The following CDH13 variants were observed in gnomAD, a reference collection of about 807,000 sequenced individuals.
The protein encoded by CDH13 is cadherin-13.
CDH13 carries 24 observed loss-of-function variants against 63.8 expected under a neutral mutation model. That is an observed-to-expected ratio of 0.38 (90% CI 0.27 to 0.53). The LOEUF (loss-of-function observed/expected upper bound fraction) is 0.53. Among genes scored for constraint, CDH13 ranks in the 20% least tolerant of loss-of-function variants. The pLI is 0.85. For missense variants in CDH13, 1,049 were observed against 903.1 expected, an observed-to-expected ratio of 1.16 and a Z score of -2.07; for synonymous variants, 503 against 355.3, an observed-to-expected ratio of 1.42 and a Z score of -4.67.
At chr16:82,938,345 T>G (rs2151305089) in intron 2 of CDH13, among the ~76,000 whole-genome samples, 1 of 152,362 alleles carries the variant, frequency 6.6e-6, no homozygotes, top group Middle Eastern at 3.4e-3. Context: ...GATTCGGGAA[T>G]AGAACTCAGT....
chr16:82,752,971 A>C (rs925274856), intron 1 of CDH13, among the ~76,000 whole-genome samples: 1 of 152,238 alleles, frequency 6.6e-6, no homozygotes, highest in Non-Finnish European at 1.5e-5. Flanking sequence ...ACATTTGTAA[A>C]AGAGTTAAGA....
At chr16:82,927,229 T>C (rs1415317923) in intron 2 of CDH13, among the ~76,000 whole-genome samples, 3 of 152,140 alleles carry the variant, frequency 2.0e-5, no homozygotes, top group African/African-American at 7.2e-5. Context: ...GGCTTGACTT[T>C]ACCATATTTT....
intron 4 of CDH13, among the ~76,000 whole-genome samples, chr16:83,169,763 A>G (rs1314211827): frequency 6.6e-6 from 1 of 151,964 alleles, no homozygotes; most frequent in African/African-American, 2.4e-5. Context: ...TGATGTTTTG[A>G]AATACTGAAT....
intron 3 of CDH13, among the ~76,000 whole-genome samples, chr16:83,048,050 G>A (rs1289218998): frequency 2.0e-5 from 3 of 152,198 alleles, no homozygotes; most frequent in African/African-American, 7.2e-5. Context: ...TTACAGTAAA[G>A]TAGATTCAGG....
intron 7 of CDH13, among the ~76,000 whole-genome samples, chr16:83,573,572 A>G (rs1320185578): frequency 1.3e-5 from 2 of 152,198 alleles, no homozygotes; most frequent in African/African-American, 4.8e-5. Flanking sequence ...TTGGGATCCT[A>G]CTTAACAAAG....
At chr16:83,075,758 C>G (rs1379014683) in intron 3 of CDH13, among the ~76,000 whole-genome samples, 1 of 152,136 alleles carries the variant, frequency 6.6e-6, no homozygotes, top group Admixed American at 6.5e-5. Context: ...TTGACTTGTG[C>G]TTTGTGATCA....
intron 7 of CDH13, among the ~76,000 whole-genome samples, chr16:83,527,130 CAA>C (rs35647015): frequency 4.5e-4 from 66 of 148,154 alleles, no homozygotes; most frequent in Middle Eastern, 6.8e-3. Flanking sequence ...GACTCTGTCT[CAA>C]AAAAAAAAAA....
chr16:82,808,595 T>C (rs1393063525), intron 1 of CDH13, among the ~76,000 whole-genome samples: 2 of 152,192 alleles, frequency 1.3e-5, no homozygotes, highest in Admixed American at 6.5e-5. Flanking sequence ...GCCCTTGCAG[T>C]ATAAAAATAG....
At chr16:83,553,446 T>C (rs1412123917) in intron 7 of CDH13, among the ~76,000 whole-genome samples, 1 of 152,256 alleles carries the variant, frequency 6.6e-6, no homozygotes, top group Non-Finnish European at 1.5e-5. Context: ...GTTTTTCTTA[T>C]AACACTGGAA....
At chr16:82,995,698 G>C (rs72792142) in intron 2 of CDH13, among the ~76,000 whole-genome samples, 15,214 of 152,096 alleles carry the variant, frequency 0.1, 861 homozygotes, top group African/African-American at 0.16. Context: ...AAATAGATGT[G>C]ATACTTCTCC....
intron 2 of CDH13, among the ~76,000 whole-genome samples, chr16:82,918,903 A>G (rs2042074161): frequency 6.6e-6 from 1 of 152,180 alleles, no homozygotes; most frequent in African/African-American, 2.4e-5. Flanking sequence ...TTAGAGGACC[A>G]TTTATTATAC....
chr16:83,191,489 G>GCACATATATATATATATATATATATATA (rs2038703821), intron 4 of CDH13, among the ~76,000 whole-genome samples: 9 of 46,288 alleles, frequency 1.9e-4, no homozygotes, highest in Non-Finnish European at 4.0e-4. Flanking sequence ...ATATATATAT[G>GCACATATATATATATATATATATATATA]CACATATATA....
In CDH13 at chr16:83,548,922, A is replaced by G. The variant is rs139784250; in HGVS notation, c.961-53532A>G. 7.9e-5 allele frequency among the ~76,000 whole-genome samples: 12 copies of G among 152,334 alleles called. 1 individual carries two copies. The highest frequency in any genetic ancestry group is 2.9e-4 in the African/African-American group (12 of 41,566). On this transcript the variant is annotated intron_variant, in intron 7 of 13. Coordinates refer to ENST00000567109, the MANE Select transcript of CDH13 (RefSeq NM_001257.5). ...AAAAGAAAGCCTTCAGTAGAATTTC[A>G]TCTGAGTATTTTCTTTGCCCCCTTG...
intron 2 of CDH13, among the ~76,000 whole-genome samples, chr16:82,942,488 A>G (rs542843225): frequency 1.3e-5 from 2 of 152,276 alleles, no homozygotes; most frequent in Non-Finnish European, 2.9e-5. Flanking sequence ...ACGCCAGAGG[A>G]TTTGACCTAA....
At chr16:83,552,152 A>C (rs2075514822) in intron 7 of CDH13, among the ~76,000 whole-genome samples, 1 of 152,222 alleles carries the variant, frequency 6.6e-6, no homozygotes, top group South Asian at 2.1e-4. Flanking sequence ...GTCCTCAGAC[A>C]GTGAATTCTG....
At chr16:83,433,287 C>T (rs2072182185) in intron 6 of CDH13, among the ~76,000 whole-genome samples, 2 of 152,316 alleles carry the variant, frequency 1.3e-5, no homozygotes, top group African/African-American at 2.4e-5. Context: ...CTTCAGTTTC[C>T]TCAACTGTAA....
intron 6 of CDH13, among the ~76,000 whole-genome samples, chr16:83,450,775 C>T (rs2072865739): frequency 6.6e-6 from 1 of 152,106 alleles, no homozygotes; most frequent in Non-Finnish European, 1.5e-5. Flanking sequence ...GAAGCTGAGG[C>T]AGGAGAATGG....
At chr16:82,823,857 T>C (rs973248769) in intron 1 of CDH13, 2 of 152,188 alleles carry the variant, frequency 1.3e-5, no homozygotes, top group Non-Finnish European at 2.9e-5. Flanking sequence ...CATATGAATT[T>C]ATTAGGTGTT....
chr16:83,620,106 A>T (rs75031614), intron 8 of CDH13, among the ~76,000 whole-genome samples: 1 of 146,892 alleles, frequency 6.8e-6, no homozygotes, highest in African/African-American at 2.5e-5. Context: ...AGAGATAGGG[A>T]GGGGGGCCGG....
Sources: allele counts gnomAD v4.1 joint callset (sites outside exome capture counted in the v4.1 genomes callset), GRCh38; gene constraint gnomAD v4.1.1; transcripts MANE v1.5; gene names NCBI Gene and HGNC (gene_info 2026-07-23, HGNC 2026-07-21).